Variants in ANLN observed in about 807,000 individuals in gnomAD.
ANLN encodes the protein anillin.
A neutral mutation model predicts 135.1 loss-of-function variants in ANLN; 59 were observed. That is an observed-to-expected ratio of 0.44 (90% CI 0.35 to 0.54). The LOEUF is 0.54. Ranked by LOEUF, ANLN falls within the 20% of genes least tolerant of loss-of-function variation. The probability of loss-of-function intolerance (pLI) is 0.00; values close to 1 mark genes in which losing one functional copy is unlikely to be tolerated. For synonymous variants in ANLN, 406 were observed against 456.4 expected (o/e 0.89, Z 1.41); for missense variants, 1,182 against 1,340.0 (o/e 0.88, Z 1.84).
chr7:36,440,369 G>C (rs1788716480), intron 21 of ANLN, among the ~76,000 whole-genome samples: 1 of 152,192 alleles, frequency 6.6e-6, no homozygotes, highest in Admixed American at 6.5e-5. Flanking sequence ...ATTCTGTTAG[G>C]ACTGTTGGAC....
At chr7:36,390,086 C>G in intron 1 of ANLN, 42 bp downstream of exon 1, 1 of 1,612,680 alleles carries the variant, frequency 6.2e-7, no homozygotes, top group Non-Finnish European at 8.5e-7. Flanking sequence ...ACCCACCGCT[C>G]TAGGCCCCCA....
chr7:36,408,239 CA>C (rs1331307206), intron 5 of ANLN, among the ~76,000 whole-genome samples: 13 of 152,092 alleles, frequency 8.5e-5, no homozygotes, highest in Admixed American at 5.9e-4. Flanking sequence ...TTGATTCAGA[CA>C]AAGCATGTTT....
rs543922243 is a variant in ANLN at position 36,427,355 on chromosome 7, C to T, written c.2883+327C>T. On this transcript the variant is annotated intron_variant, in intron 20 of 23. Coordinates refer to ENST00000265748, the MANE Select transcript of ANLN (RefSeq NM_018685.5). ...CATAATATCTTGCCTATTTCCATTT[C>T]TTTGTGGTTTTTTTTGTTTTTTTGT... Among the ~76,000 whole-genome samples the T allele has an allele frequency of 1.7e-4, 25 of 151,440 alleles. 1 individual carries two copies. Among genetic ancestry groups the T allele is most frequent in the African/African-American group, 5.8e-4 (24 of 41,430 alleles).
intron 3 of ANLN, among the ~76,000 whole-genome samples, chr7:36,403,158 G>A (rs147036462): frequency 3.0e-4 from 45 of 152,204 alleles, no homozygotes; most frequent in African/African-American, 1.1e-3. Context: ...GGTGCAAAGA[G>A]TGAAGGCCTG....
intron 3 of ANLN, among the ~76,000 whole-genome samples, chr7:36,401,411 T>C (rs1022554630): frequency 6.6e-6 from 1 of 152,184 alleles, no homozygotes; most frequent in Non-Finnish European, 1.5e-5. Flanking sequence ...CAATCTCGGC[T>C]CACTGCAACC....
At chr7:36,422,994 C>T (rs985943620) in intron 14 of ANLN, among the ~76,000 whole-genome samples, 185 bp downstream of exon 14, 2 of 152,122 alleles carry the variant, frequency 1.3e-5, no homozygotes, top group East Asian at 3.8e-4. Flanking sequence ...TACCAATCTA[C>T]ACAATAATGG....
chr7:36,416,561 G>A (rs950535896), intron 8 of ANLN, among the ~76,000 whole-genome samples: 4 of 152,172 alleles, frequency 2.6e-5, no homozygotes, highest in South Asian at 2.1e-4. Flanking sequence ...CCTTTGTTAC[G>A]TTGTGTACCT....
intron 20 of ANLN, among the ~76,000 whole-genome samples, chr7:36,437,423 C>T (rs1027995840): frequency 6.6e-6 from 1 of 152,064 alleles, no homozygotes; most frequent in Non-Finnish European, 1.5e-5. Context: ...TTTTTTTGGC[C>T]TCTTCATTTA....
chr7:36,409,867 C>A (rs1787337031), intron 5 of ANLN, among the ~76,000 whole-genome samples: 1 of 151,988 alleles, frequency 6.6e-6, no homozygotes, highest in Admixed American at 6.6e-5. Context: ...AGATGGGATT[C>A]CTCCATGTTG....
intron 20 of ANLN, among the ~76,000 whole-genome samples, chr7:36,438,079 G>T (rs865934803): frequency 6.6e-6 from 1 of 151,972 alleles, no homozygotes; most frequent in Non-Finnish European, 1.5e-5. Context: ...GTGAGCCACC[G>T]CGCCCAGCCT....
At position 36,399,149 on chromosome 7, in the gene ANLN, C is replaced by T. The variant is rs1164406032; in HGVS notation, c.243C>T (p.Asn81=). ...ACAACACTGAAGTAGAAGTTTCTAACTTGGAAAATAAACAACCAGTTGAGT... is the reference window on the plus strand; with the variant it reads ...ACAACACTGAAGTAGAAGTTTCTAATTTGGAAAATAAACAACCAGTTGAGT... ...CSDNTEVEVS[N]LENKQPVEST... Residue 81 remains asparagine (N), a synonymous_variant, in exon 3 of 24, where the codon AAC becomes AAT. Transcript: ENST00000265748. 6.2e-7 allele frequency: 1 copy of T among 1,614,018 alleles called. No homozygotes were observed. Among genetic ancestry groups the T allele is most frequent in the African/African-American group, 1.3e-5 (1 of 74,914 alleles).
At chr7:36,406,035 T>C (rs1787172654) in intron 3 of ANLN, 146 bp from the exon 4 acceptor site, 6 of 556,206 alleles carry the variant, frequency 1.1e-5, no homozygotes, top group Non-Finnish European at 1.7e-5. Flanking sequence ...TTTAAATAAC[T>C]TGGAAGTTTC....
intron 20 of ANLN, among the ~76,000 whole-genome samples, chr7:36,435,997 G>GTTACAAACTTAAATA (rs1350562128): frequency 4.0e-5 from 6 of 150,266 alleles, no homozygotes; most frequent in African/African-American, 1.5e-4. Flanking sequence ...ACAATTTTAA[G>GTTACAAACTTAAATA]GTAAACTATT....
intron 11 of ANLN, 132 bp downstream of exon 11, chr7:36,420,446 CCTCT>C: frequency 7.6e-7 from 1 of 1,316,318 alleles, no homozygotes; most frequent in Non-Finnish European, 1.0e-6. Context: ...CTTTTGTTAG[CCTCT>C]CTTTCACCAA....
rs145003274 is a variant in ANLN, at chr7:36,426,023, C to T, written c.2757C>T (p.Asn919=). ...RLLTSITTKS[N]IHSSVMASPG... is the part of the protein sequence containing the mutation. ...TTTTTTTTTTTTTTTAGAAAAGCAA[C>T]ATTCATTCTTCAGGTGAGTGTATCT... Residue 919 remains asparagine, a synonymous_variant, in exon 19 of 24, where the codon AAC becomes AAT. Coordinates refer to ENST00000265748, the MANE Select transcript of ANLN (RefSeq NM_018685.5). The T allele has an allele frequency of 1.6e-4, 232 of 1,474,306 alleles. No individual in the cohort carries two copies. In the African/African-American group the frequency reaches 2.7e-3, roughly 17 times the overall value. The allele number at this position is 1,474,306 out of a possible 1,614,324, so 91.3% of individuals were successfully genotyped here. A position where few individuals can be genotyped will look rare whatever the true frequency, so the allele number is the denominator to read the frequency against.
At chr7:36,451,984 G>C (rs1399274262) in intron 23 of ANLN, among the ~76,000 whole-genome samples, 1 of 152,216 alleles carries the variant, frequency 6.6e-6, no homozygotes, top group Admixed American at 6.5e-5. Context: ...TACTAATATA[G>C]TAGGACAAAT....
intron 7 of ANLN, among the ~76,000 whole-genome samples, chr7:36,411,886 A>C (rs1272904661): frequency 6.6e-6 from 1 of 152,094 alleles, no homozygotes; most frequent in Non-Finnish European, 1.5e-5. Flanking sequence ...CCCTGTCCAC[A>C]TACCTAGATT....
At chr7:36,431,559 GTT>G (rs201623092) in intron 20 of ANLN, among the ~76,000 whole-genome samples, 1,557 of 72,256 alleles carry the variant, frequency 0.022, 19 homozygotes, top group African/African-American at 0.054. Flanking sequence ...ATATGTGTGT[GTT>G]TGTGTGTGTG....
intron 20 of ANLN, among the ~76,000 whole-genome samples, chr7:36,437,405 G>C (rs546738207): frequency 6.6e-6 from 1 of 152,060 alleles, no homozygotes; most frequent in African/African-American, 2.4e-5. Context: ...TTGTATGTAT[G>C]TACCGCATTT....
Sources: allele counts gnomAD v4.1 joint callset (sites outside exome capture counted in the v4.1 genomes callset), GRCh38; gene constraint gnomAD v4.1.1; transcripts MANE v1.5; gene names NCBI Gene and HGNC (gene_info 2026-07-23, HGNC 2026-07-21).